Variants in SURF1 observed in about 807,000 individuals in gnomAD.
The protein encoded by SURF1 is surfeit locus protein 1.
SURF1 carries 45 observed loss-of-function variants against 34.1 expected under a neutral mutation model. The observed-to-expected ratio is 1.32, with a 90% CI of 1.04 to 1.69. SURF1 has a LOEUF of 1.69. Ranked by LOEUF, SURF1 falls within the 40% of genes most tolerant of loss-of-function variation. SURF1 has a pLI of 0.00. For missense variants in SURF1, 456 were observed against 384.6 expected, an observed-to-expected ratio of 1.19 and a Z score of -1.55; for synonymous variants, 188 against 147.5, an observed-to-expected ratio of 1.27 and a Z score of -1.99.
chr9:133,352,505 T>C lies in SURF1; in HGVS notation c.692A>G (p.Asp231Gly). The C allele has an allele frequency of 6.2e-7, 1 of 1,614,204 alleles. No homozygotes were observed. Among genetic ancestry groups the C allele is most frequent in the Non-Finnish European group, 8.5e-7 (1 of 1,180,040 alleles). The change falls in exon 7 of 9, where the codon GAC (aspartate) becomes GGC (glycine). Residue 231 changes from aspartate (D) to glycine (G), a missense_variant. Asp to Gly is a moderately conservative substitution (Grantham distance 94, BLOSUM62 -1). Coordinates refer to ENST00000371974, the MANE Select transcript of SURF1 (RefSeq NM_003172.4). Reference protein sequence around the residue: ...NPERNHWHYRDLEAMARITGA... With the variant: ...NPERNHWHYRGLEAMARITGA... Reference sequence around the variant, plus strand: ...TGTGATTCTGGCCATAGCTTCCAGGTCTCGATAATGCCAGTGGTTCCTTTC... The same window carrying C: ...TGTGATTCTGGCCATAGCTTCCAGGCCTCGATAATGCCAGTGGTTCCTTTC...
intron 5 of SURF1, 66 bp downstream of exon 5, chr9:133,353,680 ATAG>A: frequency 6.3e-7 from 1 of 1,577,590 alleles, no homozygotes; most frequent in Non-Finnish European, 8.7e-7. Context: ...TGTGAAGGAA[ATAG>A]TGATGTAAAT....
rs2130015598 is a variant in SURF1, at chr9:133,353,942, T to C, written c.324-2A>G. On this transcript the variant is annotated splice_acceptor_variant, in intron 4 of 8. Transcript: ENST00000371974. LOFTEE classifies it high-confidence loss of function. ...TCCAGATTTTTCAGTTCCATTGGGC[T>C]GCATGGAGATAAGAACAGTGGCCGA... is the stretch of plus-strand genomic sequence containing the variant. 2 of 1,613,824 alleles carry C rather than the reference T, an allele frequency of 1.2e-6. No homozygotes were observed. Among genetic ancestry groups the C allele is most frequent in the Non-Finnish European group, 1.7e-6 (2 of 1,180,024 alleles).
chr9:133,354,292 G>A, intron 4 of SURF1: 1 of 491,174 alleles, frequency 2.0e-6, no homozygotes, highest in Non-Finnish European at 3.7e-6. Context: ...TCTAGGGAGA[G>A]AGCAGACAAA....
Position 133,354,654 on chromosome 9 carries a change from C to T in SURF1, c.323+5G>A. On this transcript the variant is annotated splice_donor_5th_base_variant and intron_variant, in intron 4 of 8. Coordinates refer to ENST00000371974, the MANE Select transcript of SURF1 (RefSeq NM_003172.4). ...CAGGCCCTAGGGGGGCAGCCATGCA[C>T]TCACTCGGCTGGCAGAGGGACAGGC... The T allele has an allele frequency of 6.2e-7, 1 of 1,612,548 alleles. No individual in the cohort carries two copies. The highest frequency in any genetic ancestry group is 8.5e-7 in the Non-Finnish European group (1 of 1,180,004).
intron 2 of SURF1, 85 bp from the exon 3 acceptor site, chr9:133,355,042 C>G: frequency 1.3e-6 from 2 of 1,583,034 alleles, no homozygotes; most frequent in South Asian, 2.2e-5. Flanking sequence ...GACTCCAGTA[C>G]TGCCAATCAA....
intron 4 of SURF1, chr9:133,354,395 G>T: frequency 1.8e-6 from 1 of 554,786 alleles, no homozygotes; most frequent in Non-Finnish European, 3.2e-6. Context: ...TGGAGGATAA[G>T]TTTACTATAC....
chr9:133,354,924 G>C lies in SURF1; in HGVS notation c.140C>G (p.Ser47Cys). The C allele has an allele frequency of 1.9e-6, 3 of 1,613,718 alleles. No homozygotes were observed. Among genetic ancestry groups the C allele is most frequent in the East Asian group, 2.2e-5 (1 of 44,870 alleles). The change falls in exon 3 of 9, where the codon TCT (serine) becomes TGT (cysteine). Residue 47 changes from serine to cysteine, a missense_variant. Physicochemically the swap from Ser to Cys is moderately radical, Grantham distance 112. Transcript: ENST00000371974. Reference protein sequence around the residue: ...VAWRPSRCGSSAAEASATKAE... With the variant: ...VAWRPSRCGSCAAEASATKAE... ...TTTTGTGGCAGATGCTTCTGCTGCA[G>C]AACTGCCACATCTGCTTGGCCTCCA...
rs2130012809 is a variant in SURF1 at position 133,353,276 on chromosome 9, C to A, written c.515+473G>T. 5.9e-5 allele frequency among the ~76,000 whole-genome samples: 9 copies of A among 152,278 alleles called. No individual in the cohort carries two copies. In the South Asian group the frequency reaches 1.5e-3, roughly 25 times the overall value. On this transcript the variant is annotated intron_variant, in intron 5 of 8. Coordinates refer to ENST00000371974, the MANE Select transcript of SURF1 (RefSeq NM_003172.4). ...TCATTTTTACGTGAATCCTCCAGTTCCCTAGTTAATCACACAGGTGCTCCT... is the reference window on the plus strand; with the variant it reads ...TCATTTTTACGTGAATCCTCCAGTTACCTAGTTAATCACACAGGTGCTCCT...
chr9:133,355,186 C>G (rs1836541887), intron 2 of SURF1, among the ~76,000 whole-genome samples: 1 of 152,216 alleles, frequency 6.6e-6, no homozygotes, highest in Admixed American at 6.5e-5. Context: ...GTTTGACCAC[C>G]AACCACGACC....
Position 133,352,689 on chromosome 9 carries a change from C to T in SURF1, c.588+5G>A. ...TCTAAAGTAGGAAGAGTCCATGTCC[C>T]TTACCTGGCCTTTCTGCCGGGTTTC... On this transcript the variant is annotated splice_donor_5th_base_variant and intron_variant, in intron 6 of 8. Transcript: ENST00000371974. 2 of 1,613,608 alleles carry T rather than the reference C, an allele frequency of 1.2e-6. No homozygotes were observed. The highest frequency in any genetic ancestry group is 8.5e-7 in the Non-Finnish European group (1 of 1,179,850).
At chr9:133,355,566 G>A (rs1836553134) in intron 2 of SURF1, among the ~76,000 whole-genome samples, 1 of 152,140 alleles carries the variant, frequency 6.6e-6, no homozygotes, top group Non-Finnish European at 1.5e-5. Context: ...CAACAAGAGC[G>A]AAACTGTCTC....
At chr9:133,353,044 T>C (rs1398310946) in intron 5 of SURF1, among the ~76,000 whole-genome samples, 1 of 152,196 alleles carries the variant, frequency 6.6e-6, no homozygotes, top group Non-Finnish European at 1.5e-5. Context: ...TACTACAACG[T>C]GCAACTGGTG....
chr9:133,354,035 G>A (rs915748404), intron 4 of SURF1, 95 bp from the exon 5 acceptor site: 15 of 1,448,026 alleles, frequency 1.0e-5, no homozygotes, highest in Non-Finnish European at 1.5e-5. Context: ...GGCCAGACAA[G>A]TGAAGGAGAA....
chr9:133,353,993 C>A (rs1275767555), intron 4 of SURF1, 53 bp from the exon 5 acceptor site: 1 of 1,607,470 alleles, frequency 6.2e-7, no homozygotes, highest in Non-Finnish European at 8.5e-7. Context: ...AAAACGAATC[C>A]CCTGAGGGTG....
intron 1 of SURF1, 36 bp downstream of exon 1, chr9:133,356,364 G>C (rs781837099): frequency 2.8e-5 from 40 of 1,419,116 alleles, no homozygotes; most frequent in African/African-American, 3.2e-5. Context: ...ACCCCTCCCC[G>C]CGCCCCGCAC....
At chr9:133,354,800 C>G (rs2130018707) in intron 3 of SURF1, 24 bp downstream of exon 3, 1 of 1,613,762 alleles carries the variant, frequency 6.2e-7, no homozygotes, top group East Asian at 2.2e-5. Flanking sequence ...CCCAGAGTTA[C>G]GCACACCAGA....
At chr9:133,352,345 TGAGAACA>T in intron 7 of SURF1, 94 bp downstream of exon 7, 1 of 1,584,934 alleles carries the variant, frequency 6.3e-7, no homozygotes, top group Non-Finnish European at 8.6e-7. Flanking sequence ...TATACACATG[TGAGAACA>T]TAAGCCACAG....
chr9:133,354,147 C>A, intron 4 of SURF1: 1 of 648,508 alleles, frequency 1.5e-6, no homozygotes, highest in South Asian at 1.7e-5. Context: ...AAAATCTGGA[C>A]TCCTCAATGA....
chr9:133,354,197 C>T (rs1836509255), intron 4 of SURF1: 2 of 570,162 alleles, frequency 3.5e-6, no homozygotes, highest in Admixed American at 5.8e-5. Context: ...TGGGCCAAAA[C>T]CCCATCTGCA....
Sources: allele counts gnomAD v4.1 joint callset (sites outside exome capture counted in the v4.1 genomes callset), GRCh38; gene constraint gnomAD v4.1.1; transcripts MANE v1.5; gene names NCBI Gene and HGNC (gene_info 2026-07-23, HGNC 2026-07-21).